Variants in ZPBP observed in about 807,000 individuals in gnomAD.
ZPBP encodes the protein zona pellucida-binding protein 1.
Under a neutral mutation model 44.8 loss-of-function variants are expected in ZPBP, and 26 were observed. The ratio of observed to expected loss-of-function variants is 0.58; its 90% CI spans 0.43 to 0.81. The LOEUF (loss-of-function observed/expected upper bound fraction) is 0.81, where lower values mean the gene tolerates loss of function less well. Ranked by LOEUF, ZPBP falls within the 30% of genes least tolerant of loss-of-function variation. The probability of loss-of-function intolerance (pLI) is 0.00; values close to 1 mark genes in which losing one functional copy is unlikely to be tolerated. For synonymous variants in ZPBP, 174 were observed against 153.2 expected (o/e 1.14, Z -1.00); for missense variants, 409 against 434.0 (o/e 0.94, Z 0.51).
At chr7:50,055,681 A>C (rs1279495490) in intron 4 of ZPBP, among the ~76,000 whole-genome samples, 3 of 152,192 alleles carry the variant, frequency 2.0e-5, no homozygotes, top group African/African-American at 7.2e-5. Context: ...TACACTAAGC[A>C]AGCATTATAT....
chr7:49,930,379 A>G (rs1430079104), intron 1 of ZPBP, among the ~76,000 whole-genome samples: 4 of 152,224 alleles, frequency 2.6e-5, no homozygotes, highest in Admixed American at 2.6e-4. Flanking sequence ...ACAGTAACTC[A>G]CAAACTCCGG....
chr7:50,071,359 T>C (rs868761914), intron 3 of ZPBP, among the ~76,000 whole-genome samples: 1 of 152,278 alleles, frequency 6.6e-6, no homozygotes, highest in African/African-American at 2.4e-5. Context: ...CAATATGAAC[T>C]TGAGTGCCTG....
rs1011651026 is a variant in ZPBP at position 50,093,240 on chromosome 7, A to G, written c.-46T>C. On this transcript the variant is annotated 5_prime_UTR_variant, in exon 1 of 8. Transcript: ENST00000046087. Reference sequence around the variant, plus strand: ...CCCACCGTCCGCGCGGAAGGTCGTTAGGCAACGCGCGCCCACCTGCAGCCG... The same window carrying G: ...CCCACCGTCCGCGCGGAAGGTCGTTGGGCAACGCGCGCCCACCTGCAGCCG... 3.4e-6 allele frequency: 5 copies of G among 1,473,842 alleles called. No homozygotes were observed. The highest frequency in any genetic ancestry group is 2.7e-5 in the South Asian group (2 of 74,502). The allele number at this position is 1,473,842 out of a possible 1,614,324, so 91.3% of individuals were successfully genotyped here. A position where few individuals can be genotyped will look rare whatever the true frequency, so the allele number is the denominator to read the frequency against.
chr7:50,047,812 C>T (rs1000825256), intron 4 of ZPBP, among the ~76,000 whole-genome samples: 2 of 152,114 alleles, frequency 1.3e-5, no homozygotes, highest in African/African-American at 4.8e-5. Context: ...GAATGTATGG[C>T]AATATCTCCA....
rs538755316 is a variant in ZPBP, at chr7:49,998,062, C to T, written c.784-14543G>A. Among the ~76,000 whole-genome samples, 23 of 152,220 alleles carry T rather than the reference C, an allele frequency of 1.5e-4. 1 individual carries two copies. Among genetic ancestry groups the T allele is most frequent in the East Asian group, 7.7e-4 (4 of 5,170 alleles). The stretch of plus-strand genomic sequence containing the variant: ...CCTCCCAAGCAGCTGGGACTACAGG[C>T]GCACGCCACCACGCCCAGCTAATTT... On this transcript the variant is annotated intron_variant, in intron 6 of 7. Coordinates refer to ENST00000046087, the MANE Select transcript of ZPBP (RefSeq NM_007009.3).
At chr7:50,089,347 A>T (rs1802830650) in intron 2 of ZPBP, among the ~76,000 whole-genome samples, 1 of 152,074 alleles carries the variant, frequency 6.6e-6, no homozygotes, top group South Asian at 2.1e-4. Context: ...CACTATATAC[A>T]TTTAATATTA....
intron 4 of ZPBP, among the ~76,000 whole-genome samples, chr7:50,044,303 A>C (rs1011595115): frequency 6.6e-6 from 1 of 152,196 alleles, no homozygotes; most frequent in African/African-American, 2.4e-5. Context: ...AAGACAAGAA[A>C]TAAAACTAAG....
At chr7:49,908,334 A>G (rs1793217725) in intron 1 of ZPBP, among the ~76,000 whole-genome samples, 1 of 152,194 alleles carries the variant, frequency 6.6e-6, no homozygotes, top group Non-Finnish European at 1.5e-5. Context: ...CTTGTCCACA[A>G]GGAGGGGTCC....
chr7:50,068,582 C>CATG (rs975694115), intron 3 of ZPBP, among the ~76,000 whole-genome samples: 23 of 152,314 alleles, frequency 1.5e-4, no homozygotes, highest in African/African-American at 5.1e-4. Flanking sequence ...CACCTGCGTT[C>CATG]ATGCCTCCTT....
chr7:49,989,877 CCAAA>C lies in ZPBP; in HGVS notation c.784-6362_784-6359del, dbSNP rs562714054. 7.2e-5 allele frequency among the ~76,000 whole-genome samples: 11 copies of C among 152,224 alleles called. No individual in the cohort carries two copies. In the South Asian group the frequency reaches 1.5e-3, roughly 20 times the overall value. On this transcript the variant is annotated intron_variant, in intron 6 of 7. Transcript: ENST00000046087. The stretch of plus-strand genomic sequence containing the variant: ...TTTTAGGAAAGCAAGATCAAGGGAG[CCAAA>C]CAAAGTCAAGACCCATCACCCAATC...
chr7:49,843,619 A>G, the ZPBP span, among the ~76,000 whole-genome samples: 1 of 152,234 alleles, frequency 6.6e-6, no homozygotes, highest in Admixed American at 6.5e-5. Context: ...CCAGTTTGTA[A>G]TGTCCACAAC....
At chr7:50,000,775 C>T (rs968941462) in intron 6 of ZPBP, among the ~76,000 whole-genome samples, 4 of 152,054 alleles carry the variant, frequency 2.6e-5, no homozygotes, top group African/African-American at 9.7e-5. Context: ...ATTTTGATGA[C>T]CCAAGCTGCA....
At chr7:49,906,001 G>A (rs981827981) in intron 1 of ZPBP, among the ~76,000 whole-genome samples, 11 of 152,014 alleles carry the variant, frequency 7.2e-5, no homozygotes, top group African/African-American at 2.4e-4. Context: ...TCTGTGAATT[G>A]CCCACCCTTT....
intron 7 of ZPBP, among the ~76,000 whole-genome samples, chr7:49,975,580 A>G (rs1391879182): frequency 6.6e-6 from 1 of 152,100 alleles, no homozygotes; most frequent in African/African-American, 2.4e-5. Flanking sequence ...GTTTTCTTTC[A>G]CTTCTACATT....
chr7:49,877,481 A>AAAAAAATATAT, intron 2 of ZPBP, among the ~76,000 whole-genome samples: 2 of 12,730 alleles, frequency 1.6e-4, no homozygotes, highest in Admixed American at 1.4e-3. Context: ...AAAAAAAAAA[A>AAAAAAATATAT]ATATATATAT....
chr7:49,981,627 T>TAAATTA (rs1473065893), intron 7 of ZPBP, among the ~76,000 whole-genome samples: 1 of 33,728 alleles, frequency 3.0e-5, no homozygotes, highest in African/African-American at 2.3e-4. Context: ...TTATATTATA[T>TAAATTA]TATATTATAT....
At chr7:49,884,923 C>A (rs1186547505) in intron 2 of ZPBP, among the ~76,000 whole-genome samples, 2 of 151,988 alleles carry the variant, frequency 1.3e-5, no homozygotes, top group Non-Finnish European at 2.9e-5. Context: ...AAACTAATTC[C>A]TTGACCAATG....
chr7:49,896,356 T>A (rs1456702442), intron 2 of ZPBP, among the ~76,000 whole-genome samples: 1 of 151,972 alleles, frequency 6.6e-6, no homozygotes, highest in African/African-American at 2.4e-5. Flanking sequence ...AAGGAAAGTA[T>A]AACACATCAC....
intron 3 of ZPBP, among the ~76,000 whole-genome samples, chr7:50,080,827 C>A (rs1222384696): frequency 6.6e-6 from 1 of 151,690 alleles, no homozygotes; most frequent in African/African-American, 2.4e-5. Context: ...CACAATCGTT[C>A]CTACTTTGCT....
Sources: gnomAD v4.1 joint callset for allele counts (sites outside exome capture counted in the v4.1 genomes callset) on GRCh38, gnomAD v4.1.1 for gene constraint, MANE v1.5 for transcripts, NCBI Gene and HGNC (gene_info 2026-07-23, HGNC 2026-07-21) for gene names.